The following DLG2 variants were observed in gnomAD, a reference collection of about 807,000 sequenced individuals.
DLG2 encodes disks large homolog 2.
Under a neutral mutation model 132.5 loss-of-function variants are expected in DLG2, and 45 were observed. The observed-to-expected ratio is 0.34, with a 90% confidence interval of 0.27 to 0.44. DLG2 has a LOEUF of 0.44. Ranked by LOEUF, DLG2 falls within the 20% of genes least tolerant of loss-of-function variation. The probability of loss-of-function intolerance (pLI) is 1.00; values close to 1 mark genes in which losing one functional copy is unlikely to be tolerated. For missense variants in DLG2, 1,045 were observed against 1,196.9 expected, an observed-to-expected ratio of 0.87 and a Z score of 1.87; for synonymous variants, 424 against 419.6, an observed-to-expected ratio of 1.01 and a Z score of -0.13.
At chr11:84,108,001 T>A (rs1413848037) in intron 9 of DLG2, among the ~76,000 whole-genome samples, 1 of 152,052 alleles carries the variant, frequency 6.6e-6, no homozygotes, top group East Asian at 1.9e-4. Context: ...AAAGGGATGA[T>A]TTGGTTGCTT....
chr11:84,409,444 C>T lies in DLG2; in HGVS notation c.519+125126G>A, dbSNP rs138000260. ...TTGTCAGCAGGGAAATGATGAAAGC[C>T]GGTTATAGGGAAGGTAACATGATAA... On this transcript the variant is annotated intron_variant, in intron 7 of 27. Transcript: ENST00000376104. 5.0e-3 allele frequency among the ~76,000 whole-genome samples: 760 copies of T among 152,128 alleles called. 15 individuals are homozygous for T. The highest frequency in any genetic ancestry group is 0.017 in the African/African-American group (699 of 41,506).
At position 84,773,744 on chromosome 11, in the gene DLG2, A is replaced by T. The variant is rs558828393; in HGVS notation, c.358-239013T>A. Among the ~76,000 whole-genome samples the T allele has an allele frequency of 5.0e-4, 76 of 152,270 alleles. No individual in the cohort carries two copies. The Middle Eastern group carries it at 0.014, about 27-fold the overall frequency. ...TTTCAGTAAATTTCAACATCCCTTC[A>T]TAATAATGACCCTCAACAAACTAGT... On this transcript the variant is annotated intron_variant, in intron 6 of 27. Transcript: ENST00000376104.
At chr11:85,126,174 T>C (rs1385107375) in intron 5 of DLG2, among the ~76,000 whole-genome samples, 3 of 152,142 alleles carry the variant, frequency 2.0e-5, no homozygotes, top group East Asian at 1.9e-4. Flanking sequence ...TAATGAAAGA[T>C]AGGGAAGGTA....
intron 3 of DLG2, among the ~76,000 whole-genome samples, chr11:85,595,532 G>T (rs1707641139): frequency 6.6e-6 from 1 of 151,748 alleles, no homozygotes; most frequent in Admixed American, 6.6e-5. Flanking sequence ...CTGTTTCAGG[G>T]TTTTTTTTAT....
intron 18 of DLG2, among the ~76,000 whole-genome samples, chr11:83,752,417 T>C (rs2093365817): frequency 6.6e-6 from 1 of 152,138 alleles, no homozygotes; most frequent in Non-Finnish European, 1.5e-5. Flanking sequence ...GTATGAATCA[T>C]ATAAGCCAAG....
At chr11:84,510,224 A>G (rs1405592059) in intron 7 of DLG2, among the ~76,000 whole-genome samples, 1 of 151,850 alleles carries the variant, frequency 6.6e-6, no homozygotes, top group Admixed American at 6.6e-5. Context: ...TCAAAATTGG[A>G]AAGGAAAATA....
intron 18 of DLG2, 72 bp from the exon 19 acceptor site, chr11:83,633,397 C>A (rs72952532): frequency 4.0e-6 from 5 of 1,234,778 alleles, no homozygotes; most frequent in Non-Finnish European, 5.9e-6. Flanking sequence ...ACAGCCCAGG[C>A]AGCCCCTCAC....
intron 6 of DLG2, among the ~76,000 whole-genome samples, chr11:84,604,027 A>C (rs933056357): frequency 2.0e-5 from 3 of 152,028 alleles, no homozygotes; most frequent in African/African-American, 7.2e-5. Flanking sequence ...CATCATCATC[A>C]TCCTAATATG....
chr11:85,215,542 G>A (rs2082530654), intron 4 of DLG2, among the ~76,000 whole-genome samples: 2 of 152,096 alleles, frequency 1.3e-5, no homozygotes, highest in Non-Finnish European at 2.9e-5. Flanking sequence ...TTTCTACAAG[G>A]AAGGGCAAGA....
chr11:84,822,398 A>G (rs1187444700), intron 6 of DLG2, among the ~76,000 whole-genome samples: 4 of 151,886 alleles, frequency 2.6e-5, no homozygotes, highest in Admixed American at 6.6e-5. Context: ...GGAAAAGAGT[A>G]TGAATAATTA....
chr11:85,565,278 C>T (rs2077469230), intron 3 of DLG2, among the ~76,000 whole-genome samples: 1 of 151,886 alleles, frequency 6.6e-6, no homozygotes, highest in Admixed American at 6.6e-5. Context: ...AGTGGTTATC[C>T]TTGTGTTAGG....
At chr11:84,720,004 A>T (rs1267281057) in intron 6 of DLG2, among the ~76,000 whole-genome samples, 1 of 152,032 alleles carries the variant, frequency 6.6e-6, no homozygotes, top group Non-Finnish European at 1.5e-5. Context: ...GCATAAGGAG[A>T]TCCCAAGCAG....
intron 20 of DLG2, among the ~76,000 whole-genome samples, chr11:83,538,859 G>A (rs914351690): frequency 1.2e-4 from 18 of 152,180 alleles, no homozygotes; most frequent in East Asian, 5.8e-4. Flanking sequence ...ACAATAGTAC[G>A]TGGCACTCAG....
At chr11:85,046,019 A>G (rs1003007014) in intron 6 of DLG2, among the ~76,000 whole-genome samples, 10 of 152,000 alleles carry the variant, frequency 6.6e-5, no homozygotes, top group African/African-American at 2.2e-4. Context: ...TTTGAGTCTC[A>G]GGTTTAGTAG....
At chr11:83,461,926 G>A (rs773970984) in intron 27 of DLG2, 76 bp downstream of exon 27, 2 of 985,926 alleles carry the variant, frequency 2.0e-6, no homozygotes, top group Non-Finnish European at 3.3e-6. Flanking sequence ...AGTACACCAG[G>A]CCCAGAACCC....
intron 6 of DLG2, among the ~76,000 whole-genome samples, chr11:84,647,718 C>T (rs1041628213): frequency 6.6e-6 from 1 of 152,170 alleles, no homozygotes; most frequent in Non-Finnish European, 1.5e-5. Context: ...GTCTGTGACA[C>T]AGTTGGTTCA....
chr11:85,339,260 A>G (rs1417322607), intron 3 of DLG2, among the ~76,000 whole-genome samples: 2 of 152,232 alleles, frequency 1.3e-5, no homozygotes, highest in African/African-American at 4.8e-5. Context: ...GCTCTCCTAC[A>G]TATGAACATG....
Position 84,987,332 on chromosome 11 carries a change from T to C in DLG2, c.357+124329A>G, listed in dbSNP as rs1345818584. Among the ~76,000 whole-genome samples, 15 of 151,886 alleles carry C rather than the reference T, an allele frequency of 9.9e-5. 1 individual carries two copies. Among genetic ancestry groups the C allele is most frequent in the Admixed American group, 9.2e-4 (14 of 15,250 alleles). On this transcript the variant is annotated intron_variant, in intron 6 of 27. Transcript: ENST00000376104. ...GAATCAATATTGTGAAAATGACAAA[T>C]GACCATACTGTCAAAAGTAATCTAC...
At chr11:84,655,390 C>T (rs1318038775) in intron 6 of DLG2, among the ~76,000 whole-genome samples, 2 of 152,150 alleles carry the variant, frequency 1.3e-5, no homozygotes. Flanking sequence ...TCCAATGGCA[C>T]AAATAATCCT....
Sources: allele counts gnomAD v4.1 joint callset (sites outside exome capture counted in the v4.1 genomes callset), GRCh38; gene constraint gnomAD v4.1.1; transcripts MANE v1.5; gene names NCBI Gene and HGNC (gene_info 2026-07-23, HGNC 2026-07-21).